The following FBN1 variants were observed in gnomAD, a reference collection of about 807,000 sequenced individuals.
FBN1 encodes the protein fibrillin 1.
Under a neutral mutation model 365.1 loss-of-function variants are expected in FBN1, and 29 were observed. The ratio of observed to expected loss-of-function variants is 0.08; its 90% CI spans 0.06 to 0.11. The LOEUF is 0.11. Ranked by LOEUF, FBN1 falls within the 10% of genes least tolerant of loss-of-function variation. The pLI is 1.00. For synonymous variants in FBN1, 1,210 were observed against 1,270.5 expected (o/e 0.95, Z 1.01); for missense variants, 2,476 against 3,703.2 (o/e 0.67, Z 8.60).
At chr15:48,515,002 A>G (rs1204883845) in intron 12 of FBN1, among the ~76,000 whole-genome samples, 1 of 152,196 alleles carries the variant, frequency 6.6e-6, no homozygotes. Flanking sequence ...TGCAGTCACA[A>G]ATATCCTTAA....
In FBN1 at chr15:48,458,086, T is replaced by C. The variant is rs557366776; in HGVS notation, c.5297-1324A>G. On this transcript the variant is annotated intron_variant, in intron 43 of 65. Coordinates refer to ENST00000316623, the MANE Select transcript of FBN1 (RefSeq NM_000138.5). Reference sequence around the variant, plus strand: ...CTCAGCTGGGAGGTATGCAAAGCCTTGGTCTACAATCCAAAGTCTTCCAAT... The same window carrying C: ...CTCAGCTGGGAGGTATGCAAAGCCTCGGTCTACAATCCAAAGTCTTCCAAT... Among the ~76,000 whole-genome samples the C allele has an allele frequency of 4.2e-3, 644 of 152,340 alleles. 5 individuals are homozygous for C. Among genetic ancestry groups the C allele is most frequent in the Non-Finnish European group, 6.8e-3 (463 of 68,026 alleles).
rs947164675 is a variant in FBN1, at chr15:48,589,542, A to C, written c.538+6741T>G. Among the ~76,000 whole-genome samples, 13 of 152,158 alleles carry C rather than the reference A, an allele frequency of 8.5e-5. No homozygotes were observed. The East Asian group carries it at 2.3e-3, about 27-fold the overall frequency. ...ATCCACCAGCTGCCACAAATGTTGC[A>C]ATACCACTGTAGACGCACAGTAACA... On this transcript the variant is annotated intron_variant, in intron 6 of 65. Coordinates refer to ENST00000316623, the MANE Select transcript of FBN1 (RefSeq NM_000138.5).
rs188450743 is a variant in FBN1 at position 48,422,281 on chromosome 15, A to G, written c.7454-213T>C. ...TAGACCCTCCTCCCCTCAAAAAAATATAAAGAGATCTTTAGGGGATCCAAG... is the reference window on the plus strand; with the variant it reads ...TAGACCCTCCTCCCCTCAAAAAAATGTAAAGAGATCTTTAGGGGATCCAAG... On this transcript the variant is annotated intron_variant, in intron 60 of 65. Transcript: ENST00000316623. Among the ~76,000 whole-genome samples the G allele has an allele frequency of 2.0e-5, 3 of 152,384 alleles. No homozygotes were observed. In the East Asian group the frequency reaches 5.8e-4, roughly 29 times the overall value.
chr15:48,530,586 TAG>T (rs145031559), intron 8 of FBN1, among the ~76,000 whole-genome samples: 3,333 of 151,240 alleles, frequency 0.022, 112 homozygotes, highest in African/African-American at 0.073. Flanking sequence ...ACTAATTGTA[TAG>T]AGAGAGCCAG....
At chr15:48,427,996 G>A (rs2042993600) in intron 57 of FBN1, 2 of 692,726 alleles carry the variant, frequency 2.9e-6, no homozygotes, top group Non-Finnish European at 2.6e-6. Context: ...CATTGGCCTA[G>A]ACAAGCTTAT....
chr15:48,616,168 T>C (rs565938071), intron 2 of FBN1, among the ~76,000 whole-genome samples: 1 of 152,372 alleles, frequency 6.6e-6, no homozygotes, highest in South Asian at 2.1e-4. Flanking sequence ...AGGTTCTTTA[T>C]AATTTTGGGT....
rs558853207 is a variant in FBN1 at position 48,543,915 on chromosome 15, TCAG to T, written c.539-6110_539-6108del. On this transcript the variant is annotated intron_variant, in intron 6 of 65. Transcript: ENST00000316623. The stretch of plus-strand genomic sequence containing the variant: ...GTATGCAACTTAACTTTCAAATAAT[TCAG>T]CAATGTAAATAAATAATAAATACAT... Among the ~76,000 whole-genome samples, 29 of 152,106 alleles carry T rather than the reference TCAG, an allele frequency of 1.9e-4. 1 individual carries two copies. The South Asian group carries it at 6.0e-3, about 32-fold the overall frequency.
chr15:48,502,223 T>C (rs2043666632), intron 17 of FBN1, among the ~76,000 whole-genome samples: 1 of 152,140 alleles, frequency 6.6e-6, no homozygotes, highest in South Asian at 2.1e-4. Context: ...CGTTTGTATT[T>C]TTAGTAGAGA....
rs189910051 is a variant in FBN1, at chr15:48,583,460, G to C, written c.538+12823C>G. On this transcript the variant is annotated intron_variant, in intron 6 of 65. Transcript: ENST00000316623. ...CCCCCACTCCCATCCAACCTGACCA[G>C]GCCGTATTTGTAGACTTAAGGTCTT... Among the ~76,000 whole-genome samples the C allele has an allele frequency of 7.2e-4, 110 of 152,252 alleles. No individual in the cohort carries two copies. The Middle Eastern group carries it at 0.01, about 14-fold the overall frequency.
intron 2 of FBN1, among the ~76,000 whole-genome samples, chr15:48,622,983 A>C (rs1889797720): frequency 6.6e-6 from 1 of 152,244 alleles, no homozygotes; most frequent in South Asian, 2.1e-4. Context: ...AAACCTACAT[A>C]GGCTATACTG....
At chr15:48,574,610 C>T (rs1014339045) in intron 6 of FBN1, among the ~76,000 whole-genome samples, 1 of 151,394 alleles carries the variant, frequency 6.6e-6, no homozygotes, top group East Asian at 1.9e-4. Context: ...ACAGGCACCA[C>T]GTACAGATAA....
intron 17 of FBN1, 84 bp from the exon 18 acceptor site, chr15:48,499,122 C>G (rs1191075658): frequency 7.3e-7 from 1 of 1,377,510 alleles, no homozygotes; most frequent in Non-Finnish European, 1.0e-6. Context: ...ACATCATTTC[C>G]TCCAAAGTGA....
intron 44 of FBN1, 81 bp downstream of exon 44, chr15:48,456,553 ATGT>A: frequency 7.5e-7 from 1 of 1,332,440 alleles, no homozygotes; most frequent in Non-Finnish European, 1.1e-6. Context: ...TGAAATTTCA[ATGT>A]TGTGAAATTC....
chr15:48,645,182 C>A (rs1281452412), intron 1 of FBN1, among the ~76,000 whole-genome samples: 1 of 152,232 alleles, frequency 6.6e-6, no homozygotes, highest in African/African-American at 2.4e-5. Context: ...GAGCGCGGCG[C>A]AAAGTACCCA....
At chr15:48,475,839 A>G (rs1381265371) in intron 32 of FBN1, among the ~76,000 whole-genome samples, 1 of 152,252 alleles carries the variant, frequency 6.6e-6, no homozygotes, top group African/African-American at 2.4e-5. Flanking sequence ...CATAACTTCT[A>G]GAGCAAACAC....
chr15:48,642,535 ATT>A (rs1422733640), intron 2 of FBN1: 1 of 152,204 alleles, frequency 6.6e-6, no homozygotes, highest in African/African-American at 2.4e-5. Flanking sequence ...ATACATATAT[ATT>A]TGTGTTTATT....
At chr15:48,615,687 A>C (rs1889638185) in intron 2 of FBN1, among the ~76,000 whole-genome samples, 2 of 152,248 alleles carry the variant, frequency 1.3e-5, no homozygotes, top group African/African-American at 4.8e-5. Flanking sequence ...AGTCTTATAT[A>C]TATTACACTG....
At chr15:48,542,832 T>TGTGTGTGTGTGTG (rs1491435027) in intron 6 of FBN1, among the ~76,000 whole-genome samples, 2 of 147,802 alleles carry the variant, frequency 1.4e-5, no homozygotes, top group African/African-American at 2.5e-5. Flanking sequence ...TGTGTGTGTA[T>TGTGTGTGTGTGTG]TTTTTTTCCT....
intron 32 of FBN1, among the ~76,000 whole-genome samples, chr15:48,480,942 G>A (rs1180345551): frequency 6.6e-6 from 1 of 152,112 alleles, no homozygotes; most frequent in African/African-American, 2.4e-5. Context: ...TAATGTCATT[G>A]CCTCATATTT....
Sources: gnomAD v4.1 joint callset for allele counts (sites outside exome capture counted in the v4.1 genomes callset) on GRCh38, gnomAD v4.1.1 for gene constraint, MANE v1.5 for transcripts, NCBI Gene and HGNC (gene_info 2026-07-23, HGNC 2026-07-21) for gene names.